PCSK2: variants seen among roughly 807,000 people sequenced by gnomAD.
PCSK2 encodes the protein proprotein convertase subtilisin/kexin type 2.
PCSK2 carries 14 observed loss-of-function variants against 69.7 expected under a neutral mutation model. The observed-to-expected ratio is 0.20, with a 90% CI of 0.13 to 0.31. The LOEUF (loss-of-function observed/expected upper bound fraction) is 0.31, where lower values mean the gene tolerates loss of function less well. Among genes scored for constraint, PCSK2 ranks in the 10% least tolerant of loss-of-function variants. PCSK2 has a pLI of 1.00. For synonymous variants in PCSK2, 307 were observed against 320.7 expected, an observed-to-expected ratio of 0.96 and a Z score of 0.46; for missense variants, 544 against 842.5, an observed-to-expected ratio of 0.65 and a Z score of 4.39.
intron 5 of PCSK2, among the ~76,000 whole-genome samples, chr20:17,370,183 C>T (rs545449502): frequency 6.6e-6 from 1 of 152,284 alleles, no homozygotes; most frequent in East Asian, 1.9e-4. Context: ...ACTTCTGAGA[C>T]CTCCAGATCT....
intron 1 of PCSK2, among the ~76,000 whole-genome samples, chr20:17,255,809 T>G (rs191983004): frequency 2.6e-5 from 4 of 152,334 alleles, no homozygotes; most frequent in African/African-American, 9.6e-5. Flanking sequence ...CTGGGGTAAA[T>G]CCTACTTGGT....
chr20:17,320,285 T>A lies in PCSK2; in HGVS notation c.283-38042T>A, dbSNP rs990750683. Among the ~76,000 whole-genome samples the A allele has an allele frequency of 3.3e-5, 5 of 152,320 alleles. No individual in the cohort carries two copies. In the East Asian group the frequency reaches 5.8e-4, roughly 18 times the overall value. ...CATATAGAACTCATAGGACATACTC[T>A]GAAACCTGAATTCCTCCTCCTACAG... is the stretch of plus-strand genomic sequence containing the variant. On this transcript the variant is annotated intron_variant, in intron 2 of 11. Transcript: ENST00000262545.
intron 5 of PCSK2, among the ~76,000 whole-genome samples, chr20:17,388,776 GC>G (rs1222174113): frequency 6.6e-6 from 1 of 152,118 alleles, no homozygotes; most frequent in Admixed American, 6.5e-5. Flanking sequence ...CAGAAAGCAT[GC>G]AGCGTTGATC....
At chr20:17,454,297 A>T (rs1020266958) in intron 9 of PCSK2, among the ~76,000 whole-genome samples, 1 of 152,206 alleles carries the variant, frequency 6.6e-6, no homozygotes, top group Non-Finnish European at 1.5e-5. Flanking sequence ...AACTCATTGT[A>T]AGAACCAAGG....
chr20:17,294,889 T>TA (rs1171247322), intron 2 of PCSK2, among the ~76,000 whole-genome samples: 6 of 152,268 alleles, frequency 3.9e-5, no homozygotes, highest in African/African-American at 1.4e-4. Context: ...TACATAGGTA[T>TA]AAGACACTCT....
chr20:17,481,696 G>A lies in PCSK2; in HGVS notation c.1543G>A (p.Ala515Thr), dbSNP rs2033405161. The change falls in exon 12 of 12, where the codon GCA (alanine) becomes ACA (threonine). Residue 515 changes from alanine (A) to threonine (T), a missense_variant. This residue lies in a region of PCSK2 where 200 missense variants were observed against 287.8 expected (regional missense o/e 0.69). Coordinates refer to ENST00000262545, the MANE Select transcript of PCSK2 (RefSeq NM_002594.5). ...EHVQAVITVN[A>T]TRRGDLNINM... The stretch of plus-strand genomic sequence containing the variant: ...TGTCCAGGCTGTCATCACGGTCAAC[G>A]CAACCAGAAGAGGAGACCTGAACAT... 1 of 1,614,146 alleles carries A rather than the reference G, an allele frequency of 6.2e-7. No homozygotes were observed. Among genetic ancestry groups the A allele is most frequent in the Non-Finnish European group, 8.5e-7 (1 of 1,180,022 alleles).
intron 2 of PCSK2, among the ~76,000 whole-genome samples, chr20:17,341,010 G>A (rs1250619185): frequency 6.6e-6 from 1 of 152,182 alleles, no homozygotes; most frequent in Non-Finnish European, 1.5e-5. Flanking sequence ...AGCACTTTGG[G>A]AGACTGAGGC....
At chr20:17,474,040 G>T (rs752277853) in intron 11 of PCSK2, among the ~76,000 whole-genome samples, 9 of 152,164 alleles carry the variant, frequency 5.9e-5, no homozygotes, top group African/African-American at 9.7e-5. Context: ...TGGAAGGAGA[G>T]AAATACAGAT....
At chr20:17,382,871 T>G (rs114117840) in intron 5 of PCSK2, among the ~76,000 whole-genome samples, 3,950 of 152,242 alleles carry the variant, frequency 0.026, 170 homozygotes, top group African/African-American at 0.09. Context: ...CAATCCAGGA[T>G]TCTCCCTAAT....
chr20:17,227,884 A>C (rs1985994123), intron 1 of PCSK2, among the ~76,000 whole-genome samples: 1 of 151,632 alleles, frequency 6.6e-6, no homozygotes, highest in Admixed American at 6.6e-5. Flanking sequence ...CATCCCCCGG[A>C]GAAAGAATAG....
Position 17,227,338 on chromosome 20 carries a change from G to T in PCSK2, c.33G>T (p.Ala11=), listed in dbSNP as rs1985958574. 6.2e-7 allele frequency: 1 copy of T among 1,613,946 alleles called. No individual in the cohort carries two copies. The highest frequency in any genetic ancestry group is 8.5e-7 in the Non-Finnish European group (1 of 1,179,996). ...GTGGTTGTGTCTCCCAGTGGAAGGC[G>T]GCCGCCGGGTTCCTCTTCTGTGTCA... is the stretch of plus-strand genomic sequence containing the variant. MKGGCVSQWK[A]AAGFLFCVMV... is the part of the protein sequence containing the mutation. Residue 11 remains alanine, a synonymous_variant, in exon 1 of 12, where the codon GCG becomes GCT. Transcript: ENST00000262545.
chr20:17,300,755 C>T (rs1283103467), intron 2 of PCSK2, among the ~76,000 whole-genome samples: 1 of 152,066 alleles, frequency 6.6e-6, no homozygotes, highest in Non-Finnish European at 1.5e-5. Context: ...CAAGATAATT[C>T]CTAAAACACT....
At chr20:17,360,508 T>C in intron 3 of PCSK2, 24 bp from the exon 4 acceptor site, 1 of 1,443,690 alleles carries the variant, frequency 6.9e-7, no homozygotes, top group Non-Finnish European at 9.7e-7. Context: ...AATACCATTC[T>C]CTGCTTTGAA....
Position 17,481,572 on chromosome 20 carries a change from C to G in PCSK2, c.1431-12C>G. ...CACTGCTTATCCTATCTCCTCTTCA[C>G]TCTGCCCTCAGGAAAATACCATCCA... On this transcript the variant is annotated splice_polypyrimidine_tract_variant and intron_variant, in intron 11 of 11. Transcript: ENST00000262545. 6.2e-7 allele frequency: 1 copy of G among 1,611,708 alleles called. No homozygotes were observed. Among genetic ancestry groups the G allele is most frequent in the Non-Finnish European group, 8.5e-7 (1 of 1,178,634 alleles).
chr20:17,305,546 A>T (rs1018143336), intron 2 of PCSK2, among the ~76,000 whole-genome samples: 2 of 152,170 alleles, frequency 1.3e-5, no homozygotes, highest in Non-Finnish European at 2.9e-5. Flanking sequence ...CATGTGATTG[A>T]AACTGGTCAC....
At chr20:17,438,556 C>T (rs976008178) in intron 8 of PCSK2, among the ~76,000 whole-genome samples, 4 of 152,110 alleles carry the variant, frequency 2.6e-5, no homozygotes, top group African/African-American at 4.8e-5. Context: ...CGAAATGGTA[C>T]GGTTGAGAGG....
At chr20:17,349,541 G>A (rs187736458) in intron 2 of PCSK2, among the ~76,000 whole-genome samples, 2 of 152,276 alleles carry the variant, frequency 1.3e-5, no homozygotes, top group Admixed American at 6.5e-5. Flanking sequence ...ACAGTGACAA[G>A]GATGACCAGG....
At chr20:17,380,381 A>C (rs2031055196) in intron 5 of PCSK2, among the ~76,000 whole-genome samples, 1 of 152,154 alleles carries the variant, frequency 6.6e-6, no homozygotes, top group Admixed American at 6.5e-5. Flanking sequence ...CCCTTTCATA[A>C]ATAATAATTC....
At chr20:17,403,310 T>A (rs2031683882) in intron 5 of PCSK2, among the ~76,000 whole-genome samples, 2 of 152,250 alleles carry the variant, frequency 1.3e-5, no homozygotes, top group African/African-American at 4.8e-5. Context: ...AATATAGACA[T>A]AAATCCCTTT....
Sources: allele counts gnomAD v4.1 joint callset (sites outside exome capture counted in the v4.1 genomes callset), GRCh38; gene constraint gnomAD v4.1.1; regional missense constraint gnomAD v4.1.1; transcripts MANE v1.5; gene names NCBI Gene and HGNC (gene_info 2026-07-23, HGNC 2026-07-21).